WDR89: variants seen among roughly 807,000 people sequenced by gnomAD.
WDR89 encodes the protein WD repeat domain 89, also known as WD repeat-containing protein 89.
A neutral mutation model predicts 29.1 loss-of-function variants in WDR89; 17 were observed. The ratio of observed to expected loss-of-function variants is 0.58; its 90% confidence interval spans 0.40 to 0.88. The LOEUF (loss-of-function observed/expected upper bound fraction) is 0.88, where lower values mean the gene tolerates loss of function less well. Ranked by LOEUF, WDR89 falls within the 40% of genes least tolerant of loss-of-function variation. WDR89 has a pLI of 0.00. For missense variants in WDR89, 396 were observed against 456.3 expected (o/e 0.87, Z 1.20); for synonymous variants, 138 against 157.8 (o/e 0.87, Z 0.94).
At chr14:63,621,370 G>T (rs1233770488) in intron 2 of WDR89, among the ~76,000 whole-genome samples, 1 of 152,114 alleles carries the variant, frequency 6.6e-6, no homozygotes, top group African/African-American at 2.4e-5. Flanking sequence ...GGCTGAGGCA[G>T]GTGGATCACC....
At chr14:63,631,274 A>G (rs1306243477) in intron 1 of WDR89, among the ~76,000 whole-genome samples, 1 of 152,248 alleles carries the variant, frequency 6.6e-6, no homozygotes, top group East Asian at 1.9e-4. Context: ...AGTTCCCAAC[A>G]GTAGGAATGG....
At chr14:63,613,196 T>C (rs1157014949) in intron 2 of WDR89, among the ~76,000 whole-genome samples, 1 of 152,190 alleles carries the variant, frequency 6.6e-6, no homozygotes, top group East Asian at 1.9e-4. Context: ...GGCTATCTGC[T>C]GATCAGGAAA....
At chr14:63,636,717 A>G (rs375024267) in intron 1 of WDR89, among the ~76,000 whole-genome samples, 1 of 152,204 alleles carries the variant, frequency 6.6e-6, no homozygotes, top group African/African-American at 2.4e-5. Context: ...AGCCACATGG[A>G]GGAAAAATGA....
chr14:63,607,470 G>C (rs999832172), intron 2 of WDR89, among the ~76,000 whole-genome samples: 4 of 152,120 alleles, frequency 2.6e-5, no homozygotes, highest in African/African-American at 9.7e-5. Flanking sequence ...TATGGAATGT[G>C]CATGGAGTAG....
chr14:63,600,010 G>C, intron 2 of WDR89, 37 bp from the exon 3 acceptor site: 1 of 1,209,386 alleles, frequency 8.3e-7, no homozygotes, highest in Non-Finnish European at 1.1e-6. Context: ...AAAAATTAAT[G>C]CTTAACAAGG....
rs114539509 is a variant in WDR89, at chr14:63,627,456, T to G, written c.-137-2423A>C. Among the ~76,000 whole-genome samples, 494 of 152,320 alleles carry G rather than the reference T, an allele frequency of 3.2e-3. 1 individual carries two copies. The highest frequency in any genetic ancestry group is 0.011 in the African/African-American group (474 of 41,578). ...AAAAATTAAAGTCCATAGTTTACCT[T>G]AGGGTTCACTTTTTGTTTTGTACAG... On this transcript the variant is annotated intron_variant, in intron 1 of 2. Transcript: ENST00000620954.
intron 1 of WDR89, chr14:63,630,749 G>T (rs1381579024): frequency 6.6e-6 from 1 of 151,102 alleles, no homozygotes; most frequent in African/African-American, 2.4e-5. Context: ...GCACACGGAT[G>T]ACATGAAAAT....
Position 63,599,037 on chromosome 14 carries a change from CA to C in WDR89, c.905del (p.Leu302Ter). 6.2e-7 allele frequency: 1 copy of C among 1,614,228 alleles called. No homozygotes were observed. The highest frequency in any genetic ancestry group is 8.5e-7 in the Non-Finnish European group (1 of 1,180,036). On this transcript the variant is annotated frameshift_variant, in exon 3 of 3. Transcript: ENST00000620954. LOFTEE classifies it high-confidence loss of function. ...TCAGTCCTGACATGCTGCAGTTCATCAAATGAATCCTTCCTTTGTTTGTTCC... is the reference window on the plus strand; with the variant it reads ...TCAGTCCTGACATGCTGCAGTTCATCAATGAATCCTTCCTTTGTTTGTTCC... ...IGGTNKGRIH[L>X]MNCSMSGLTH...
chr14:63,612,717 A>T (rs1368850493), intron 2 of WDR89, among the ~76,000 whole-genome samples: 1 of 152,088 alleles, frequency 6.6e-6, no homozygotes. Context: ...GAATACTCCC[A>T]AATTTGGAAA....
intron 1 of WDR89, among the ~76,000 whole-genome samples, chr14:63,640,969 G>A (rs1174446561): frequency 6.7e-6 from 1 of 149,600 alleles, no homozygotes; most frequent in Non-Finnish European, 1.5e-5. Context: ...GTGGTGCCAG[G>A]CGCCTATAAT....
chr14:63,599,310 T>G lies in WDR89; in HGVS notation c.633A>C (p.Thr211=), dbSNP rs1233343035. 7 of 1,613,950 alleles carry G rather than the reference T, an allele frequency of 4.3e-6. No homozygotes were observed. The highest frequency in any genetic ancestry group is 5.9e-6 in the Non-Finnish European group (7 of 1,180,038). ...TTACTGATGAAATTGAGTTACAGGT[T>G]GTAACCAGTGCATCCTCCTCATTAT... The part of the protein sequence containing the change: ...NIDNEEDALV[T]TCNSISSVSC... The change falls in exon 3 of 3, where the codon ACA becomes ACC. Residue 211 remains threonine (T), a synonymous_variant. Transcript: ENST00000620954.
In WDR89 at chr14:63,597,462, T is replaced by G. The variant is rs536196376; in HGVS notation, c.*1317A>C. On this transcript the variant is annotated 3_prime_UTR_variant, in exon 3 of 3. Transcript: ENST00000620954. ...GTTAGTCTGGTTTTGACCCCTGTATTTATCTTCTGTGGCTTTCATCTTTTC... is the reference window on the plus strand; with the variant it reads ...GTTAGTCTGGTTTTGACCCCTGTATGTATCTTCTGTGGCTTTCATCTTTTC... 6.6e-6 allele frequency: 1 copy of G among 152,226 alleles called. No homozygotes were observed. The highest frequency in any genetic ancestry group is 1.5e-5 in the Non-Finnish European group (1 of 68,050). 9.4% of individuals were successfully genotyped at this position (152,226 alleles called of 1,614,324 possible). A position where few individuals can be genotyped will look rare whatever the true frequency, so the allele number is the denominator to read the frequency against.
chr14:63,616,784 G>A (rs1184077280), intron 2 of WDR89, among the ~76,000 whole-genome samples: 1 of 152,216 alleles, frequency 6.6e-6, no homozygotes, highest in Non-Finnish European at 1.5e-5. Flanking sequence ...CTGAGAGCAG[G>A]TAAGAGACAC....
chr14:63,601,924 ATAAC>A (rs1235898158), intron 2 of WDR89: 2 of 456,240 alleles, frequency 4.4e-6, no homozygotes, highest in African/African-American at 3.9e-5. Context: ...AATAAACTAA[ATAAC>A]TAATGAAAAA....
At chr14:63,633,458 C>T (rs1883534384) in intron 1 of WDR89, among the ~76,000 whole-genome samples, 1 of 152,076 alleles carries the variant, frequency 6.6e-6, no homozygotes, top group Admixed American at 6.6e-5. Context: ...ATCATGTAAA[C>T]ATATCTCTCA....
intron 2 of WDR89, among the ~76,000 whole-genome samples, chr14:63,617,282 T>C (rs1396065212): frequency 6.6e-6 from 1 of 152,014 alleles, no homozygotes; most frequent in Non-Finnish European, 1.5e-5. Flanking sequence ...GGTTTCACCA[T>C]GTTAGTCAGG....
At chr14:63,627,148 A>ACTCTCTCTCTCTCTCTCT (rs1216848834) in intron 1 of WDR89, among the ~76,000 whole-genome samples, 1 of 128,294 alleles carries the variant, frequency 7.8e-6, no homozygotes, top group African/African-American at 3.0e-5. Context: ...ACACACACAC[A>ACTCTCTCTCTCTCTCTCT]CACTCTCTCT....
At chr14:63,628,339 C>T (rs1031400308) in intron 1 of WDR89, among the ~76,000 whole-genome samples, 6 of 152,188 alleles carry the variant, frequency 3.9e-5, no homozygotes, top group Non-Finnish European at 8.8e-5. Context: ...CAAAGAAATG[C>T]TGTAATTTTG....
chr14:63,601,080 T>C (rs2139486047), intron 2 of WDR89, among the ~76,000 whole-genome samples: 1 of 152,224 alleles, frequency 6.6e-6, no homozygotes, highest in South Asian at 2.1e-4. Flanking sequence ...CAAGAAAAGA[T>C]TGTCCTCTAA....
Sources: gnomAD v4.1 joint callset for allele counts (sites outside exome capture counted in the v4.1 genomes callset) on GRCh38, gnomAD v4.1.1 for gene constraint, MANE v1.5 for transcripts, NCBI Gene and HGNC (gene_info 2026-07-23, HGNC 2026-07-21) for gene names.